COG5: variants seen among roughly 807,000 people sequenced by gnomAD.
COG5 encodes component of oligomeric golgi complex 5, also known as conserved oligomeric Golgi complex subunit 5.
COG5 carries 86 observed loss-of-function variants against 110.4 expected under a neutral mutation model. The observed-to-expected ratio is 0.78, with a 90% CI of 0.65 to 0.93. The LOEUF (loss-of-function observed/expected upper bound fraction) is 0.93. Ranked by LOEUF, COG5 falls within the 40% of genes least tolerant of loss-of-function variation. COG5 has a pLI of 0.00. For synonymous variants in COG5, 360 were observed against 334.6 expected (o/e 1.08, Z -0.83); for missense variants, 1,077 against 987.0 (o/e 1.09, Z -1.22).
chr7:107,400,716 T>C (rs1374259991), intron 7 of COG5, among the ~76,000 whole-genome samples: 1 of 152,134 alleles, frequency 6.6e-6, no homozygotes, highest in Non-Finnish European at 1.5e-5. Context: ...AGACAGTTAA[T>C]TAGATGTAAG....
chr7:107,409,800 C>G (rs1167084118), intron 7 of COG5, among the ~76,000 whole-genome samples: 2 of 152,094 alleles, frequency 1.3e-5, no homozygotes, highest in South Asian at 2.1e-4. Context: ...AACATGCATG[C>G]CTTGTGACCT....
rs567523370 is a variant in COG5, at chr7:107,416,474, TAAC to T, written c.539-3845_539-3843del. 5.3e-3 allele frequency among the ~76,000 whole-genome samples: 812 copies of T among 152,216 alleles called. 19 individuals are homozygous for T. The highest frequency in any genetic ancestry group is 4.1e-3 in the Non-Finnish European group (277 of 67,980). On this transcript the variant is annotated intron_variant, in intron 6 of 21. Coordinates refer to ENST00000297135, the MANE Select transcript of COG5 (RefSeq NM_006348.5). ...TATTATTTGGGATACATAGAAACAT[TAAC>T]AACATTTGGAAAAATTAGCAGAGAT...
intron 11 of COG5, among the ~76,000 whole-genome samples, chr7:107,307,865 T>C (rs1335783892): frequency 1.3e-5 from 2 of 152,034 alleles, no homozygotes; most frequent in Admixed American, 1.3e-4. Flanking sequence ...ACTAAAACAC[T>C]TATCCATGTA....
At chr7:107,520,281 G>A (rs971179296) in intron 6 of COG5, among the ~76,000 whole-genome samples, 13 of 152,134 alleles carry the variant, frequency 8.5e-5, no homozygotes, top group African/African-American at 3.1e-4. Flanking sequence ...ACATAGCATT[G>A]GAAGTTCTGG....
In COG5 at chr7:107,464,078, T is replaced by C. The variant is rs927209258; in HGVS notation, c.539-51446A>G. On this transcript the variant is annotated intron_variant, in intron 6 of 21. Coordinates refer to ENST00000297135, the MANE Select transcript of COG5 (RefSeq NM_006348.5). Reference sequence around the variant, plus strand: ...ATATTTGGCTTTTATCTTAAGCAGCTGAGGTTAGAATAGAGGGGGTAGAGA... The same window carrying C: ...ATATTTGGCTTTTATCTTAAGCAGCCGAGGTTAGAATAGAGGGGGTAGAGA... Among the ~76,000 whole-genome samples the C allele has an allele frequency of 5.3e-5, 8 of 152,152 alleles. No individual in the cohort carries two copies. The South Asian group carries it at 1.7e-3, about 31-fold the overall frequency.
At chr7:107,468,521 T>A (rs1796439798) in intron 6 of COG5, among the ~76,000 whole-genome samples, 1 of 152,090 alleles carries the variant, frequency 6.6e-6, no homozygotes, top group South Asian at 2.1e-4. Flanking sequence ...AACGCATGAA[T>A]AGCAGCACAA....
At chr7:107,541,788 G>C (rs1802058274) in intron 5 of COG5, among the ~76,000 whole-genome samples, 1 of 151,116 alleles carries the variant, frequency 6.6e-6, no homozygotes, top group Admixed American at 6.6e-5. Flanking sequence ...AAAATTAGCT[G>C]GGCATGGTGG....
chr7:107,362,442 C>T (rs1813207105), intron 8 of COG5, 22 bp from the exon 9 acceptor site: 2 of 1,537,130 alleles, frequency 1.3e-6, no homozygotes, highest in African/African-American at 2.7e-5. Context: ...TGAGAAAGAA[C>T]AATGAAAAAT....
chr7:107,208,007 A>G lies in COG5; in HGVS notation c.2375+2519T>C, dbSNP rs1027047125. ...CAAATTTACTGACATTTAAAGAGCAATACTCACCCTCGGTTTGTCTACAGG... is the reference window on the plus strand; with the variant it reads ...CAAATTTACTGACATTTAAAGAGCAGTACTCACCCTCGGTTTGTCTACAGG... On this transcript the variant is annotated intron_variant, in intron 21 of 21. Coordinates refer to ENST00000297135, the MANE Select transcript of COG5 (RefSeq NM_006348.5). 8.9e-5 allele frequency: 88 copies of G among 985,352 alleles called. 1 individual carries two copies. Among genetic ancestry groups the G allele is most frequent in the Non-Finnish European group, 1.0e-4 (85 of 829,962 alleles). 61.0% of individuals were successfully genotyped at this position (985,352 alleles called of 1,614,324 possible).
chr7:107,530,830 GT>G (rs1463792829), intron 5 of COG5, among the ~76,000 whole-genome samples: 1 of 151,768 alleles, frequency 6.6e-6, no homozygotes, highest in Non-Finnish European at 1.5e-5. Context: ...TTCCCTCCCT[GT>G]TTTTTTATCT....
rs188882333 is a variant in COG5 at position 107,427,490 on chromosome 7, A to G, written c.539-14858T>C. Among the ~76,000 whole-genome samples, 3 of 152,244 alleles carry G rather than the reference A, an allele frequency of 2.0e-5. No homozygotes were observed. The East Asian group carries it at 5.8e-4, about 30-fold the overall frequency. On this transcript the variant is annotated intron_variant, in intron 6 of 21. Transcript: ENST00000297135. ...ATGGACTGAATTGTATTATGCAAAA[A>G]AAGATGTACTGAAGTCTTAACCCTC...
intron 6 of COG5, among the ~76,000 whole-genome samples, chr7:107,521,600 C>T (rs1172384532): frequency 4.6e-5 from 7 of 151,924 alleles, no homozygotes; most frequent in Admixed American, 1.3e-4. Flanking sequence ...TACCACCTCA[C>T]GCCAATGGCA....
intron 6 of COG5, among the ~76,000 whole-genome samples, chr7:107,419,837 G>A (rs531171326): frequency 2.6e-4 from 39 of 152,220 alleles, no homozygotes; most frequent in Admixed American, 1.2e-3. Flanking sequence ...CAAAGTGCTG[G>A]GATTACAGGC....
chr7:107,381,131 T>A (rs1227883298), intron 7 of COG5, among the ~76,000 whole-genome samples: 1 of 146,926 alleles, frequency 6.8e-6, no homozygotes, highest in African/African-American at 2.4e-5. Flanking sequence ...TTCTTTAAAA[T>A]TTCTGAGTCA....
At chr7:107,404,672 GAGA>G (rs1048787043) in intron 7 of COG5, among the ~76,000 whole-genome samples, 4 of 151,980 alleles carry the variant, frequency 2.6e-5, no homozygotes, top group Non-Finnish European at 4.4e-5. Flanking sequence ...AAATGTTGAT[GAGA>G]AGGAGACAGT....
chr7:107,367,654 T>C (rs1386018276), intron 8 of COG5, among the ~76,000 whole-genome samples: 1 of 151,878 alleles, frequency 6.6e-6, no homozygotes, highest in African/African-American at 2.4e-5. Context: ...ATGGAACAAG[T>C]GGCCATTATT....
At chr7:107,282,688 A>C (rs1219033698) in intron 13 of COG5, among the ~76,000 whole-genome samples, 3 of 151,838 alleles carry the variant, frequency 2.0e-5, no homozygotes, top group Non-Finnish European at 4.4e-5. Context: ...GGCCCAGCTA[A>C]TTTTTGTATT....
At chr7:107,467,909 C>T (rs1796398284) in intron 6 of COG5, among the ~76,000 whole-genome samples, 1 of 152,006 alleles carries the variant, frequency 6.6e-6, no homozygotes, top group African/African-American at 2.4e-5. Context: ...ACTGTCTGTG[C>T]TCGAGCTACC....
At chr7:107,546,220 G>A (rs1047336649) in intron 5 of COG5, among the ~76,000 whole-genome samples, 4 of 152,116 alleles carry the variant, frequency 2.6e-5, no homozygotes, top group African/African-American at 4.8e-5. Flanking sequence ...AGCAAAAGCA[G>A]TTCTAAGACG....
Sources: gnomAD v4.1 joint callset for allele counts (sites outside exome capture counted in the v4.1 genomes callset) on GRCh38, gnomAD v4.1.1 for gene constraint, MANE v1.5 for transcripts, NCBI Gene and HGNC (gene_info 2026-07-23, HGNC 2026-07-21) for gene names.